SPEF2: variants seen among roughly 807,000 people sequenced by gnomAD.
SPEF2 encodes the protein sperm flagellar and cilia associated 2.
A neutral mutation model predicts 224.6 loss-of-function variants in SPEF2; 187 were observed. The observed-to-expected ratio is 0.83, with a 90% CI of 0.74 to 0.94. The LOEUF is 0.94. SPEF2 is among the 40% of genes least tolerant of loss of function. The pLI, the probability that SPEF2 is intolerant of heterozygous loss-of-function variation, is 0.00. For synonymous variants in SPEF2, 715 were observed against 707.3 expected (o/e 1.01, Z -0.17); for missense variants, 2,170 against 2,135.6 (o/e 1.02, Z -0.32).
intron 21 of SPEF2, among the ~76,000 whole-genome samples, chr5:35,735,114 C>A (rs1746355245): frequency 6.6e-6 from 1 of 152,156 alleles, no homozygotes; most frequent in African/African-American, 2.4e-5. Flanking sequence ...TTCCTATCTT[C>A]TATATGAATA....
At chr5:35,792,140 T>G (rs1756051752) in intron 30 of SPEF2, among the ~76,000 whole-genome samples, 200 bp from the exon 31 acceptor site, 1 of 152,124 alleles carries the variant, frequency 6.6e-6, no homozygotes, top group African/African-American at 2.4e-5. Context: ...CATTTTGACT[T>G]AGTTGAGAAA....
intron 26 of SPEF2, chr5:35,764,898 A>C: frequency 2.8e-6 from 1 of 360,462 alleles, no homozygotes; most frequent in South Asian, 2.1e-5. Flanking sequence ...CTTTCGAAAA[A>C]CATTTTAGTA....
chr5:35,759,652 A>C lies in SPEF2; in HGVS notation c.3553A>C (p.Asn1185His). 1 of 1,612,012 alleles carries C rather than the reference A, an allele frequency of 6.2e-7. No homozygotes were observed. Among genetic ancestry groups the C allele is most frequent in the Non-Finnish European group, 8.5e-7 (1 of 1,178,608 alleles). ...GMESKIPVED[N>H]KRFTRIPLVQ... ...GGAAAGTAAAATCCCAGTAGAGGAC[A>C]ACAAGAGATTTACTCGAATCCCTTT... The change falls in exon 25 of 37, where the codon AAC becomes CAC. Residue 1185 changes from asparagine to histidine, a missense_variant. By Grantham distance (68) the Asn-to-His change is moderately conservative (BLOSUM62 1). Coordinates refer to ENST00000356031, the MANE Select transcript of SPEF2 (RefSeq NM_024867.4).
At chr5:35,784,232 A>G (rs1377553844) in intron 30 of SPEF2, among the ~76,000 whole-genome samples, 2 of 150,888 alleles carry the variant, frequency 1.3e-5, no homozygotes, top group African/African-American at 4.9e-5. Context: ...GGTTCACGCC[A>G]TTCTCCTGCC....
chr5:35,759,769 T>G, intron 25 of SPEF2, 50 bp downstream of exon 25: 1 of 1,428,710 alleles, frequency 7.0e-7, no homozygotes, highest in East Asian at 2.4e-5. Flanking sequence ...CATAAAGCTT[T>G]GTGATTTAAA....
intron 30 of SPEF2, among the ~76,000 whole-genome samples, chr5:35,783,311 T>C (rs1561357822): frequency 6.6e-6 from 1 of 152,228 alleles, no homozygotes; most frequent in Non-Finnish European, 1.5e-5. Flanking sequence ...AAGACTGTCA[T>C]ATGATCTTGG....
intron 29 of SPEF2, among the ~76,000 whole-genome samples, chr5:35,778,464 C>A (rs1253383212): frequency 6.6e-6 from 1 of 152,142 alleles, no homozygotes; most frequent in African/African-American, 2.4e-5. Flanking sequence ...CAGATTCCAG[C>A]ACTCTTTCTA....
At chr5:35,719,629 T>C (rs891327056) in intron 20 of SPEF2, among the ~76,000 whole-genome samples, 1 of 127,956 alleles carries the variant, frequency 7.8e-6, no homozygotes, top group Admixed American at 7.3e-5. Flanking sequence ...CATTAGTGAC[T>C]TTTTTTTTTT....
At chr5:35,633,790 C>G (rs1055083439) in intron 2 of SPEF2, among the ~76,000 whole-genome samples, 1 of 151,842 alleles carries the variant, frequency 6.6e-6, no homozygotes, top group African/African-American at 2.4e-5. Context: ...CATTTTCTTA[C>G]TTTTCTTAGT....
chr5:35,680,697 A>T (rs944994961), intron 10 of SPEF2, among the ~76,000 whole-genome samples: 50 of 152,292 alleles, frequency 3.3e-4, no homozygotes, highest in African/African-American at 1.2e-3. Flanking sequence ...GAAGGGATGA[A>T]ATTCAGTTGA....
Position 35,814,540 on chromosome 5 carries a change from A to T in SPEF2, c.5456A>T (p.Glu1819Val). The part of the protein sequence containing the change: ...DGERSPSRHT[E>V]EKK ...GAGAGATCACCTTCAAGACATACAG[A>T]GGAAAAGAAATGAAGACAAAAGAGT... is the stretch of plus-strand genomic sequence containing the variant. Residue 1819 changes from glutamate to valine, a missense_variant, in exon 37 of 37, where the codon GAG (glutamate) becomes GTG (valine). Coordinates refer to ENST00000356031, the MANE Select transcript of SPEF2 (RefSeq NM_024867.4). 2 of 1,603,124 alleles carry T rather than the reference A, an allele frequency of 1.2e-6. No homozygotes were observed. Among genetic ancestry groups the T allele is most frequent in the Non-Finnish European group, 1.7e-6 (2 of 1,173,740 alleles).
At position 35,779,078 on chromosome 5, in the gene SPEF2, C is replaced by T; in HGVS notation, c.4218-39C>T. On this transcript the variant is annotated intron_variant, in intron 29 of 36. Transcript: ENST00000356031. Reference sequence around the variant, plus strand: ...GCAAACTTTATTAATCTAATAGTATCTTTCATGGGGTTAACGCTATCCATT... The same window carrying T: ...GCAAACTTTATTAATCTAATAGTATTTTTCATGGGGTTAACGCTATCCATT... 3 of 1,472,150 alleles carry T rather than the reference C, an allele frequency of 2.0e-6. No homozygotes were observed. In the South Asian group the frequency reaches 3.8e-5, roughly 19 times the overall value. 91.2% of individuals were successfully genotyped at this position (1,472,150 alleles called of 1,614,324 possible).
In SPEF2 at chr5:35,692,653, G is replaced by A; in HGVS notation, c.1828G>A (p.Val610Ile). The change falls in exon 12 of 37, where the codon GTT (valine) becomes ATT (isoleucine). Residue 610 changes from valine (V) to isoleucine (I), a missense_variant. Val to Ile is a conservative substitution (Grantham distance 29). Transcript: ENST00000356031. ...TCATGACAATGAAAAAGTCAGTGAGGTTCTACCAATTCAGAAAAATGATGA... is the reference window on the plus strand; with the variant it reads ...TCATGACAATGAAAAAGTCAGTGAGATTCTACCAATTCAGAAAAATGATGA... ...AFHDNEKVSE[V>I]LPIQKNDEED... The A allele has an allele frequency of 6.2e-7, 1 of 1,613,780 alleles. No individual in the cohort carries two copies. Among genetic ancestry groups the A allele is most frequent in the Non-Finnish European group, 8.5e-7 (1 of 1,179,784 alleles).
At chr5:35,765,272 G>T (rs1364842029) in intron 26 of SPEF2, among the ~76,000 whole-genome samples, 2 of 151,948 alleles carry the variant, frequency 1.3e-5, no homozygotes, top group East Asian at 3.9e-4. Context: ...ATCTTATGTT[G>T]TTCATTTTTT....
intron 25 of SPEF2, among the ~76,000 whole-genome samples, chr5:35,761,270 C>T (rs1284285366): frequency 1.3e-5 from 2 of 152,138 alleles, no homozygotes; most frequent in East Asian, 3.9e-4. Context: ...GTTGTCAAGT[C>T]ACTCCATCTC....
intron 27 of SPEF2, among the ~76,000 whole-genome samples, chr5:35,772,852 C>T (rs1167453148): frequency 6.6e-6 from 1 of 152,144 alleles, no homozygotes. Flanking sequence ...ATTATTGCAA[C>T]ATATTACGAT....
intron 20 of SPEF2, 104 bp downstream of exon 20, chr5:35,712,990 C>G: frequency 9.8e-7 from 1 of 1,023,130 alleles, no homozygotes; most frequent in South Asian, 1.7e-5. Context: ...GACCACTTCT[C>G]TCAGGCATTT....
At chr5:35,627,504 G>A (rs142294841) in intron 1 of SPEF2, among the ~76,000 whole-genome samples, 14,409 of 152,032 alleles carry the variant, frequency 0.095, 841 homozygotes, top group East Asian at 0.17. Flanking sequence ...GGGAGGCTGA[G>A]GCAGGAGAAT....
intron 33 of SPEF2, among the ~76,000 whole-genome samples, chr5:35,798,817 C>T (rs537293370): frequency 1.3e-5 from 2 of 152,162 alleles, no homozygotes; most frequent in Admixed American, 6.5e-5. Context: ...TGGTCTCCAA[C>T]TCTGTTGGAG....
Sources: allele counts gnomAD v4.1 joint callset (sites outside exome capture counted in the v4.1 genomes callset), GRCh38; gene constraint gnomAD v4.1.1; transcripts MANE v1.5; gene names NCBI Gene and HGNC (gene_info 2026-07-23, HGNC 2026-07-21).